The following NTN1 variants were observed in gnomAD, a reference collection of about 807,000 sequenced individuals.
NTN1 encodes the protein netrin 1.
Under a neutral mutation model 54.2 loss-of-function variants are expected in NTN1, and 11 were observed. The observed-to-expected ratio is 0.20, with a 90% CI of 0.13 to 0.34. NTN1 has a LOEUF of 0.34. Among genes scored for constraint, NTN1 ranks in the 10% least tolerant of loss-of-function variants. The probability of loss-of-function intolerance (pLI) is 1.00; values close to 1 mark genes in which losing one functional copy is unlikely to be tolerated. For missense variants in NTN1, 740 were observed against 893.1 expected (o/e 0.83, Z 2.18); for synonymous variants, 371 against 382.0 (o/e 0.97, Z 0.33).
At chr17:9,231,330 G>A (rs1005731298) in intron 6 of NTN1, among the ~76,000 whole-genome samples, 26 of 152,278 alleles carry the variant, frequency 1.7e-4, no homozygotes, top group Middle Eastern at 3.4e-3. Flanking sequence ...TAGTCTACAG[G>A]AGCTTTGGGG....
chr17:9,107,201 A>G lies in NTN1; in HGVS notation c.1019-55612A>G, dbSNP rs143695036. Among the ~76,000 whole-genome samples the G allele has an allele frequency of 7.8e-4, 119 of 152,356 alleles. 2 individuals carry two copies. The Middle Eastern group carries it at 0.014, about 17-fold the overall frequency. On this transcript the variant is annotated intron_variant, in intron 2 of 6. Transcript: ENST00000173229. ...CTTTAAGCGCCAAATTTGTTTAGCT[A>G]TTATTACCATATGTGAAACTGTTTG...
At chr17:9,091,454 CTTT>C (rs56181757) in intron 2 of NTN1, among the ~76,000 whole-genome samples, 1 of 135,358 alleles carries the variant, frequency 7.4e-6, no homozygotes. Context: ...AACCCCCCGC[CTTT>C]TTTTTTTTTT....
At chr17:9,074,559 G>GC (rs571815760) in intron 2 of NTN1, among the ~76,000 whole-genome samples, 86 of 152,304 alleles carry the variant, frequency 5.6e-4, no homozygotes, top group Middle Eastern at 3.4e-3. Context: ...CACTCAACAC[G>GC]CCCAAGTAGA....
At chr17:9,071,073 G>T (rs72660228) in intron 2 of NTN1, among the ~76,000 whole-genome samples, 1 of 152,084 alleles carries the variant, frequency 6.6e-6, no homozygotes, top group Non-Finnish European at 1.5e-5. Flanking sequence ...CCCATTGCCC[G>T]CAGACCTCAC....
intron 2 of NTN1, among the ~76,000 whole-genome samples, chr17:9,118,233 G>C (rs1216502448): frequency 6.6e-6 from 1 of 152,070 alleles, no homozygotes; most frequent in Non-Finnish European, 1.5e-5. Context: ...AAAATATACA[G>C]TTCAGGCCGG....
Position 9,239,827 on chromosome 17 carries a change from G to A in NTN1, c.1674G>A (p.Leu558=), listed in dbSNP as rs1407737591. Residue 558 remains leucine, a synonymous_variant, in exon 7 of 7, where the codon CTG becomes CTA. Transcript: ENST00000173229. The surrounding 1 kb of genome is among the most constrained non-coding windows in gnomAD (Gnocchi z 5.2). ...AGCCCCTCAAGAAGTACCTGCTGCT[G>A]GGCAACGCGGAGGACTCTCCGGACC... is the stretch of plus-strand genomic sequence containing the variant. The part of the protein sequence containing the change: ...KIKPLKKYLL[L]GNAEDSPDQS... 1 of 1,613,442 alleles carries A rather than the reference G, an allele frequency of 6.2e-7. No homozygotes were observed. Among genetic ancestry groups the A allele is most frequent in the East Asian group, 2.2e-5 (1 of 44,880 alleles).
At chr17:9,206,712 C>T (rs1904977930) in intron 5 of NTN1, among the ~76,000 whole-genome samples, 1 of 152,200 alleles carries the variant, frequency 6.6e-6, no homozygotes, top group Non-Finnish European at 1.5e-5. Context: ...CCTCAGAATC[C>T]AATGCCCCAT....
chr17:9,145,274 G>A (rs965684356), intron 2 of NTN1, among the ~76,000 whole-genome samples: 1 of 152,186 alleles, frequency 6.6e-6, no homozygotes, highest in Admixed American at 6.5e-5. Flanking sequence ...ACCCTGACTT[G>A]TACTAGGAAC....
chr17:9,150,120 T>C (rs2092323152), intron 2 of NTN1, among the ~76,000 whole-genome samples: 1 of 151,980 alleles, frequency 6.6e-6, no homozygotes, highest in African/African-American at 2.4e-5. Context: ...GGAGAACCAC[T>C]TGAACCCAGG....
At chr17:9,058,683 A>C (rs1401733595) in intron 2 of NTN1, among the ~76,000 whole-genome samples, 1 of 151,742 alleles carries the variant, frequency 6.6e-6, no homozygotes, top group Non-Finnish European at 1.5e-5. Context: ...AAAAGAAAAA[A>C]ATAGCTTAGA....
intron 2 of NTN1, among the ~76,000 whole-genome samples, chr17:9,110,917 C>T (rs2092188088): frequency 6.7e-6 from 1 of 148,498 alleles, no homozygotes; most frequent in Non-Finnish European, 1.5e-5. Context: ...TAGGGACCAC[C>T]TTAAATTCAG....
rs749854588 is a variant in NTN1, at chr17:9,090,974, G to A, written c.1018+67583G>A. On this transcript the variant is annotated intron_variant, in intron 2 of 6. Coordinates refer to ENST00000173229, the MANE Select transcript of NTN1 (RefSeq NM_004822.3). ...AGGGAAACCCAGGGCGTGTGAAGCC[G>A]ACCAAAGGGAGATGGATTGAAAAAC... Among the ~76,000 whole-genome samples, 12 of 152,168 alleles carry A rather than the reference G, an allele frequency of 7.9e-5. No homozygotes were observed. The East Asian group carries it at 2.1e-3, about 27-fold the overall frequency.
intron 2 of NTN1, among the ~76,000 whole-genome samples, chr17:9,028,402 G>A (rs78906527): frequency 6.6e-6 from 1 of 152,084 alleles, no homozygotes; most frequent in Non-Finnish European, 1.5e-5. Context: ...CAGGAACCTC[G>A]AGGCAAGGAG....
chr17:9,111,265 T>A (rs2092189607), intron 2 of NTN1, among the ~76,000 whole-genome samples: 1 of 152,188 alleles, frequency 6.6e-6, no homozygotes, highest in African/African-American at 2.4e-5. Flanking sequence ...GATCCTTGAC[T>A]TAATTACATC....
intron 2 of NTN1, among the ~76,000 whole-genome samples, chr17:9,138,511 C>T (rs994667369): frequency 6.6e-6 from 1 of 152,198 alleles, no homozygotes; most frequent in Non-Finnish European, 1.5e-5. Flanking sequence ...CCCCCACTCT[C>T]CGCACACTGT....
rs201663910 is a variant in NTN1 at position 9,190,288 on chromosome 17, GAAGAC to G, written c.1411+7325_1411+7329del. ...AAAGGAGGGTCTTGCCACGTTCTGA[GAAGAC>G]AAGACCCAAAATTGTAAAGCTATCA... On this transcript the variant is annotated intron_variant, in intron 5 of 6. Coordinates refer to ENST00000173229, the MANE Select transcript of NTN1 (RefSeq NM_004822.3). 7.4e-4 allele frequency among the ~76,000 whole-genome samples: 113 copies of G among 152,298 alleles called. 3 individuals carry two copies. In the East Asian group the frequency reaches 0.017, roughly 23 times the overall value.
intron 2 of NTN1, among the ~76,000 whole-genome samples, chr17:9,130,452 G>A (rs561402071): frequency 3.3e-5 from 5 of 152,224 alleles, no homozygotes; most frequent in Non-Finnish European, 5.9e-5. Flanking sequence ...GAGAGGCCCC[G>A]TGTCTGTCCT....
At chr17:9,154,276 G>A (rs2092335666) in intron 2 of NTN1, among the ~76,000 whole-genome samples, 1 of 152,258 alleles carries the variant, frequency 6.6e-6, no homozygotes, top group African/African-American at 2.4e-5. Context: ...CCTGCTCACT[G>A]TGACGTCCCC....
intron 2 of NTN1, among the ~76,000 whole-genome samples, chr17:9,046,671 C>T (rs1473932910): frequency 2.6e-5 from 4 of 152,080 alleles, no homozygotes; most frequent in African/African-American, 9.7e-5. Context: ...CTTGTAGTTT[C>T]AGCTACTAGA....
Sources: gnomAD v4.1 joint callset for allele counts (sites outside exome capture counted in the v4.1 genomes callset) on GRCh38, gnomAD v4.1.1 for gene constraint, Gnocchi (gnomAD v3.1) non-coding constraint, MANE v1.5 for transcripts, NCBI Gene and HGNC (gene_info 2026-07-23, HGNC 2026-07-21) for gene names.